HOOK3: variants seen among roughly 807,000 people sequenced by gnomAD.
HOOK3 encodes the protein hook microtubule tethering protein 3.
A neutral mutation model predicts 116.3 loss-of-function variants in HOOK3; 24 were observed. That is an observed-to-expected ratio of 0.21 (90% confidence interval 0.15 to 0.29). The LOEUF (loss-of-function observed/expected upper bound fraction) is 0.29, where lower values mean the gene tolerates loss of function less well. HOOK3 is among the 10% of genes least tolerant of loss of function. The pLI is 1.00. For synonymous variants in HOOK3, 275 were observed against 283.0 expected, an observed-to-expected ratio of 0.97 and a Z score of 0.28; for missense variants, 632 against 830.2, an observed-to-expected ratio of 0.76 and a Z score of 2.93.
intron 21 of HOOK3, among the ~76,000 whole-genome samples, chr8:43,016,711 T>C (rs572647912): frequency 1.6e-4 from 25 of 152,356 alleles, no homozygotes; most frequent in African/African-American, 5.8e-4. Flanking sequence ...ATTTTTAATA[T>C]ATGTAGCCAA....
intron 15 of HOOK3, among the ~76,000 whole-genome samples, chr8:42,988,711 A>G (rs2130454904): frequency 6.6e-6 from 1 of 152,282 alleles, no homozygotes; most frequent in African/African-American, 2.4e-5. Context: ...TTCTTACTTT[A>G]TGAAAGTTTT....
intron 3 of HOOK3, among the ~76,000 whole-genome samples, chr8:42,927,169 C>T (rs1807781183): frequency 6.6e-6 from 1 of 150,546 alleles, no homozygotes; most frequent in Non-Finnish European, 1.5e-5. Context: ...TTATTTGTTG[C>T]TTAAGTATTG....
intron 4 of HOOK3, among the ~76,000 whole-genome samples, chr8:42,933,533 A>G (rs1807909817): frequency 1.3e-5 from 2 of 152,172 alleles, no homozygotes; most frequent in South Asian, 2.1e-4. Flanking sequence ...TGGTTCTGTC[A>G]TTGCCTTTCA....
chr8:43,018,057 A>C (rs1809755380), intron 21 of HOOK3, among the ~76,000 whole-genome samples: 1 of 152,124 alleles, frequency 6.6e-6, no homozygotes, highest in South Asian at 2.1e-4. Context: ...GAAAAAAATC[A>C]CTTTCTACAT....
rs146000458 is a variant in HOOK3, at chr8:43,024,357, T to C, written c.*5859T>C. 0.013 allele frequency: 2,439 copies of C among 193,736 alleles called. 163 individuals carry two copies. Among genetic ancestry groups the C allele is most frequent in the Admixed American group, 0.11 (1,838 of 16,384 alleles). The allele number at this position is 193,736 out of a possible 1,614,324, so 12.0% of individuals were successfully genotyped here. On this transcript the variant is annotated 3_prime_UTR_variant, in exon 22 of 22. Transcript: ENST00000307602. ...ACCATACAGTAGGATGAAAGACTAT[T>C]CTGAGCAAAATCAAATGGGATGTCA...
Position 42,898,208 on chromosome 8 carries a change from T to C in HOOK3, c.57+1020T>C, listed in dbSNP as rs376792855. Among the ~76,000 whole-genome samples, 7 of 152,326 alleles carry C rather than the reference T, an allele frequency of 4.6e-5. No homozygotes were observed. The South Asian group carries it at 1.4e-3, about 32-fold the overall frequency. ...TGGAGAAGTATTGCCTTACGTTGGT[T>C]GTTAAAAAAATTAATAAAAATAGTC... is the stretch of plus-strand genomic sequence containing the variant. On this transcript the variant is annotated intron_variant, in intron 1 of 21. Coordinates refer to ENST00000307602, the MANE Select transcript of HOOK3 (RefSeq NM_032410.4).
chr8:42,951,814 G>A (rs1352198217), intron 6 of HOOK3, among the ~76,000 whole-genome samples: 1 of 152,042 alleles, frequency 6.6e-6, no homozygotes, highest in Non-Finnish European at 1.5e-5. Context: ...GGTGGCACAT[G>A]CCTGTAGTCC....
At chr8:42,907,360 T>C (rs7838845) in intron 2 of HOOK3, among the ~76,000 whole-genome samples, 8,728 of 152,260 alleles carry the variant, frequency 0.057, 546 homozygotes, top group African/African-American at 0.15. Context: ...TGTTTGAACA[T>C]TACAGCTTGT....
intron 2 of HOOK3, among the ~76,000 whole-genome samples, 188 bp downstream of exon 2, chr8:42,906,446 A>C (rs547659688): frequency 6.6e-6 from 1 of 152,246 alleles, no homozygotes; most frequent in East Asian, 1.9e-4. Flanking sequence ...AAGGGCTGTG[A>C]TTGTGTTAGT....
intron 8 of HOOK3, among the ~76,000 whole-genome samples, chr8:42,963,231 T>C (rs1808569661): frequency 6.6e-6 from 1 of 152,198 alleles, no homozygotes; most frequent in African/African-American, 2.4e-5. Flanking sequence ...ATTTTTGGAT[T>C]TGGGGATATT....
At chr8:42,976,352 AT>A (rs1373116406) in intron 13 of HOOK3, among the ~76,000 whole-genome samples, 6 of 152,052 alleles carry the variant, frequency 3.9e-5, no homozygotes, top group Non-Finnish European at 1.5e-5. Flanking sequence ...AACAAAAAAA[AT>A]TTAAAAATTA....
intron 14 of HOOK3, among the ~76,000 whole-genome samples, chr8:42,983,629 G>A (rs927802162): frequency 6.6e-6 from 1 of 152,066 alleles, no homozygotes. Context: ...GATCTCAGGC[G>A]CGTGCCACCA....
intron 13 of HOOK3, among the ~76,000 whole-genome samples, chr8:42,975,575 T>A (rs950085734): frequency 6.6e-6 from 1 of 152,214 alleles, no homozygotes; most frequent in Non-Finnish European, 1.5e-5. Flanking sequence ...GAAGGAATGA[T>A]AGGGCTTTAT....
intron 4 of HOOK3, among the ~76,000 whole-genome samples, chr8:42,934,832 TGAATAGTG>T (rs1807936265): frequency 6.6e-6 from 1 of 152,236 alleles, no homozygotes; most frequent in African/African-American, 2.4e-5. Flanking sequence ...TTTGCTATTG[TGAATAGTG>T]CTGCAATAAA....
rs78503703 is a variant in HOOK3, at chr8:42,920,714, C to T, written c.144-4843C>T. On this transcript the variant is annotated intron_variant, in intron 2 of 21. Transcript: ENST00000307602. Reference sequence around the variant, plus strand: ...GTTGAACTCTCCTGATCTGTTTTAACAAAAATGATTGTACTGTCAACTCTG... The same window carrying T: ...GTTGAACTCTCCTGATCTGTTTTAATAAAAATGATTGTACTGTCAACTCTG... 1.6e-3 allele frequency among the ~76,000 whole-genome samples: 237 copies of T among 152,296 alleles called. 5 individuals carry two copies. In the East Asian group the frequency reaches 0.04, roughly 26 times the overall value.
chr8:42,921,266 A>T (rs1471191648), intron 2 of HOOK3, among the ~76,000 whole-genome samples: 2 of 151,872 alleles, frequency 1.3e-5, no homozygotes, highest in Non-Finnish European at 2.9e-5. Flanking sequence ...TGGTGGGTTC[A>T]TGCCTTTCTT....
chr8:43,009,765 A>G (rs956255673), intron 18 of HOOK3, among the ~76,000 whole-genome samples: 2 of 152,180 alleles, frequency 1.3e-5, no homozygotes, highest in African/African-American at 4.8e-5. Flanking sequence ...TTACCCATCT[A>G]CAAAACTGTA....
At chr8:42,906,785 T>C (rs1366178891) in intron 2 of HOOK3, among the ~76,000 whole-genome samples, 1 of 152,196 alleles carries the variant, frequency 6.6e-6, no homozygotes, top group Non-Finnish European at 1.5e-5. Context: ...GAATGTAAAC[T>C]CCACATGGAG....
At chr8:42,934,575 G>A (rs1300394640) in intron 4 of HOOK3, among the ~76,000 whole-genome samples, 2 of 151,748 alleles carry the variant, frequency 1.3e-5, no homozygotes, top group Non-Finnish European at 2.9e-5. Flanking sequence ...CCCAGTGGGT[G>A]ATGTTCCCTC....
Sources: gnomAD v4.1 joint callset for allele counts (sites outside exome capture counted in the v4.1 genomes callset) on GRCh38, gnomAD v4.1.1 for gene constraint, MANE v1.5 for transcripts, NCBI Gene and HGNC (gene_info 2026-07-23, HGNC 2026-07-21) for gene names.